AFMID: variants seen among roughly 807,000 people sequenced by gnomAD.
The protein encoded by AFMID is arylformamidase, also known as kynurenine formamidase.
Under a neutral mutation model 47.5 loss-of-function variants are expected in AFMID, and 39 were observed. That is an observed-to-expected ratio of 0.82 (90% CI 0.64 to 1.07). The LOEUF is 1.07. Among genes scored for constraint, AFMID ranks in the 50% least tolerant of loss-of-function variants. The probability of loss-of-function intolerance (pLI) is 0.00; values close to 1 mark genes in which losing one functional copy is unlikely to be tolerated. For synonymous variants in AFMID, 130 were observed against 153.2 expected, an observed-to-expected ratio of 0.85 and a Z score of 1.12; for missense variants, 375 against 387.5, an observed-to-expected ratio of 0.97 and a Z score of 0.27.
In AFMID at chr17:78,192,893, C is replaced by T. The variant is rs373238248; in HGVS notation, c.154+1833C>T. On this transcript the variant is annotated intron_variant, in intron 2 of 10. Transcript: ENST00000409257. ...CTCCTGGGCTTGGTGGTTTTCTAAG[C>T]GGAGAGAACCCAGGAGGAGGAACAG... 43 of 269,782 alleles carry T rather than the reference C, an allele frequency of 1.6e-4. 1 individual carries two copies. The East Asian group carries it at 3.8e-3, about 24-fold the overall frequency. 16.7% of individuals were successfully genotyped at this position (269,782 alleles called of 1,614,324 possible). A position where few individuals can be genotyped will look rare whatever the true frequency, so the allele number is the denominator to read the frequency against.
Position 78,205,557 on chromosome 17 carries a change from A to G in AFMID, c.644+39A>G, listed in dbSNP as rs761496711. On this transcript the variant is annotated intron_variant, in intron 8 of 10. Coordinates refer to ENST00000409257, the MANE Select transcript of AFMID (RefSeq NM_001010982.5). ...CCACCACCTCCCCTGGCTCACCAGGAGCCTGGCTCCTCTCTGTCCTGACCC... is the reference window on the plus strand; with the variant it reads ...CCACCACCTCCCCTGGCTCACCAGGGGCCTGGCTCCTCTCTGTCCTGACCC... 5 of 1,613,698 alleles carry G rather than the reference A, an allele frequency of 3.1e-6. No homozygotes were observed. In the African/African-American group the frequency reaches 6.7e-5, roughly 22 times the overall value.
In AFMID at chr17:78,205,498, C is replaced by T. The variant is rs201939918; in HGVS notation, c.624C>T (p.Asn208=). The change falls in exon 8 of 11, where the codon AAC becomes AAT. Residue 208 remains asparagine (N), a synonymous_variant. Transcript: ENST00000409257. ...DLEPIVYTSQ[N]VALQLTLEDA... ...AGCCCATCGTGTATACTTCACAGAACGTTGCTCTCCAGCTGACCCTGTGAG... is the reference window on the plus strand; with the variant it reads ...AGCCCATCGTGTATACTTCACAGAATGTTGCTCTCCAGCTGACCCTGTGAG... 11 of 1,614,158 alleles carry T rather than the reference C, an allele frequency of 6.8e-6. No homozygotes were observed. Among genetic ancestry groups the T allele is most frequent in the East Asian group, 4.5e-5 (2 of 44,882 alleles).
intron 2 of AFMID, among the ~76,000 whole-genome samples, chr17:78,198,587 G>A (rs186942136): frequency 9.3e-5 from 14 of 151,302 alleles, no homozygotes; most frequent in African/African-American, 1.2e-4. Context: ...TGGAGTGAGC[G>A]GAGATTGCGC....
At chr17:78,206,181 C>G (rs753297272) in intron 10 of AFMID, 131 bp downstream of exon 10, 19 of 729,936 alleles carry the variant, frequency 2.6e-5, no homozygotes, top group Admixed American at 4.7e-5. Context: ...ACTAAAAATA[C>G]AAAACAAATT....
chr17:78,192,987 C>G (rs1041842617), intron 2 of AFMID, among the ~76,000 whole-genome samples: 7 of 152,120 alleles, frequency 4.6e-5, no homozygotes, highest in African/African-American at 1.7e-4. Context: ...GGAGCTGTTT[C>G]CTGGGCTCTT....
At chr17:78,187,454 G>C (rs1385873193) in intron 1 of AFMID, 21 bp downstream of exon 1, 3 of 1,613,488 alleles carry the variant, frequency 1.9e-6, no homozygotes, top group Non-Finnish European at 2.5e-6. Context: ...TGCAGGGAGG[G>C]ACTAAGGGGC....
chr17:78,192,010 G>GTT (rs1447311089), intron 2 of AFMID, among the ~76,000 whole-genome samples: 1 of 139,074 alleles, frequency 7.2e-6, no homozygotes, highest in Non-Finnish European at 1.6e-5. Flanking sequence ...TCTTTTTTTT[G>GTT]TTTTTGAGAC....
chr17:78,205,479 T>A lies in AFMID; in HGVS notation c.605T>A (p.Ile202Asn). 1 of 1,614,182 alleles carries A rather than the reference T, an allele frequency of 6.2e-7. No individual in the cohort carries two copies. The highest frequency in any genetic ancestry group is 8.5e-7 in the Non-Finnish European group (1 of 1,180,020). Residue 202 changes from isoleucine (I) to asparagine (N), a missense_variant, in exon 8 of 11, where the codon ATC becomes AAC. By Grantham distance (149) the Ile-to-Asn change is moderately radical. Coordinates refer to ENST00000409257, the MANE Select transcript of AFMID (RefSeq NM_001010982.5). ...AGTGGGGTCTTTGACCTGGAGCCCA[T>A]CGTGTATACTTCACAGAACGTTGCT... The part of the protein sequence containing the change: ...LVSGVFDLEP[I>N]VYTSQNVALQ...
At position 78,190,972 on chromosome 17, in the gene AFMID, G is replaced by A. The variant is rs996797117; in HGVS notation, c.66G>A (p.Glu22=). Reference sequence around the variant, plus strand: ...AGCCTCATGTTTGTGCCCTGCAGGAGCTGGAGAATCAGTACTGTCCCAGCC... The same window carrying A: ...AGCCTCATGTTTGTGCCCTGCAGGAACTGGAGAATCAGTACTGTCCCAGCC... ...KVPWKKMSAE[E]LENQYCPSRW... Residue 22 remains glutamate (E), a splice_region_variant and synonymous_variant, in exon 2 of 11, where the codon GAG becomes GAA. Coordinates refer to ENST00000409257, the MANE Select transcript of AFMID (RefSeq NM_001010982.5). 1 of 1,613,652 alleles carries A rather than the reference G, an allele frequency of 6.2e-7. No individual in the cohort carries two copies. Among genetic ancestry groups the A allele is most frequent in the Non-Finnish European group, 8.5e-7 (1 of 1,179,922 alleles).
chr17:78,201,709 A>G (rs1221857216), intron 2 of AFMID, among the ~76,000 whole-genome samples: 5 of 152,106 alleles, frequency 3.3e-5, no homozygotes, highest in Non-Finnish European at 7.4e-5. Context: ...ACCACAGTTC[A>G]CTTGTTGACA....
intron 2 of AFMID, among the ~76,000 whole-genome samples, chr17:78,198,181 A>G (rs918848264): frequency 6.6e-6 from 1 of 152,188 alleles, no homozygotes; most frequent in African/African-American, 2.4e-5. Context: ...GTAAGCCGAG[A>G]TTGCACCACT....
rs765973086 is a variant in AFMID, at chr17:78,204,818, C to T, written c.395-10C>T. ...GTGCATCCCTGACCCAGCTCATGCT[C>T]TCTGTGCAGGCACCCTGGACCACAT... On this transcript the variant is annotated splice_polypyrimidine_tract_variant and intron_variant, in intron 5 of 10. Coordinates refer to ENST00000409257, the MANE Select transcript of AFMID (RefSeq NM_001010982.5). The T allele has an allele frequency of 4.3e-5, 70 of 1,614,110 alleles. No homozygotes were observed. The highest frequency in any genetic ancestry group is 5.6e-5 in the Non-Finnish European group (66 of 1,180,048).
intron 2 of AFMID, among the ~76,000 whole-genome samples, chr17:78,193,300 G>C (rs1348868485): frequency 6.7e-6 from 1 of 149,786 alleles, no homozygotes; most frequent in Non-Finnish European, 1.5e-5. Context: ...GAACCTGGGA[G>C]GTGGAGCTTG....
intron 4 of AFMID, chr17:78,203,478 GCCT>G (rs1487971790): frequency 6.6e-6 from 1 of 151,518 alleles, no homozygotes; most frequent in African/African-American, 2.4e-5. Flanking sequence ...AGCATGTTCA[GCCT>G]CCTCTTGAAT....
chr17:78,199,065 C>T (rs2076183002), intron 2 of AFMID, among the ~76,000 whole-genome samples: 1 of 152,226 alleles, frequency 6.6e-6, no homozygotes, highest in Non-Finnish European at 1.5e-5. Flanking sequence ...GTCAGTACGT[C>T]AGTACGCAGG....
intron 1 of AFMID, among the ~76,000 whole-genome samples, chr17:78,188,963 C>A (rs1243209518): frequency 6.6e-6 from 1 of 151,984 alleles, no homozygotes; most frequent in African/African-American, 2.4e-5. Flanking sequence ...AACTCCTGGC[C>A]TCAAGTGATC....
intron 2 of AFMID, among the ~76,000 whole-genome samples, chr17:78,195,564 G>A (rs563417877): frequency 6.8e-5 from 10 of 146,700 alleles, no homozygotes; most frequent in Admixed American, 2.8e-4. Context: ...GTGCAATGGC[G>A]CGATCTCAGC....
intron 10 of AFMID, 87 bp downstream of exon 10, chr17:78,206,137 AC>A: frequency 1.7e-6 from 2 of 1,158,862 alleles, no homozygotes; most frequent in Non-Finnish European, 2.6e-6. Context: ...GGAGTTCAAG[AC>A]CAGCCTGGCC....
chr17:78,196,326 C>G lies in AFMID; in HGVS notation c.154+5266C>G, dbSNP rs2076113241. On this transcript the variant is annotated intron_variant, in intron 2 of 10. Transcript: ENST00000409257. ...GTTGCAATGAGCAAAGATTGCACCA[C>G]TGCACTCTAGCCTGGGTGACAAAGC... Among the ~76,000 whole-genome samples the G allele has an allele frequency of 2.0e-5, 3 of 152,220 alleles. No individual in the cohort carries two copies. In the South Asian group the frequency reaches 6.2e-4, roughly 32 times the overall value.
Sources: allele counts gnomAD v4.1 joint callset (sites outside exome capture counted in the v4.1 genomes callset), GRCh38; gene constraint gnomAD v4.1.1; transcripts MANE v1.5; gene names NCBI Gene and HGNC (gene_info 2026-07-23, HGNC 2026-07-21).